C8orf34: variants seen among roughly 807,000 people sequenced by gnomAD.
C8orf34 encodes the protein chromosome 8 open reading frame 34.
In C8orf34, 65 loss-of-function variants were observed where a neutral mutation model predicts 68.3. The ratio of observed to expected loss-of-function variants is 0.95; its 90% CI spans 0.78 to 1.17. The LOEUF (loss-of-function observed/expected upper bound fraction) is 1.17. Ranked by LOEUF, C8orf34 falls within the 50% of genes most tolerant of loss-of-function variation. The probability of loss-of-function intolerance (pLI) is 0.00; values close to 1 mark genes in which losing one functional copy is unlikely to be tolerated. For missense variants in C8orf34, 664 were observed against 655.4 expected (o/e 1.01, Z -0.14); for synonymous variants, 244 against 241.2 (o/e 1.01, Z -0.11).
chr8:68,531,507 A>G, intron 6 of C8orf34, among the ~76,000 whole-genome samples: 1 of 152,252 alleles, frequency 6.6e-6, no homozygotes, highest in South Asian at 2.1e-4. Context: ...ATATTTTTGG[A>G]AAAAAATTCT....
Position 68,479,406 on chromosome 8 carries a change from TGAGA to T in C8orf34, c.737-8590_737-8587del, listed in dbSNP as rs10573693. Among the ~76,000 whole-genome samples, 458 of 147,436 alleles carry T rather than the reference TGAGA, an allele frequency of 3.1e-3. 1 individual carries two copies. Among genetic ancestry groups the T allele is most frequent in the Middle Eastern group, 0.021 (6 of 284 alleles). ...GTATCAGAGAGACACAGAGAAACAG[TGAGA>T]GAGAGAGAGAGAGAGAGAGAGAGAG... On this transcript the variant is annotated intron_variant, in intron 4 of 13. Transcript: ENST00000518698.
intron 3 of C8orf34, among the ~76,000 whole-genome samples, chr8:68,455,720 A>G (rs1397752496): frequency 2.0e-5 from 3 of 152,154 alleles, no homozygotes; most frequent in Non-Finnish European, 4.4e-5. Flanking sequence ...GCTATTCGAT[A>G]CAAATTTACA....
chr8:68,650,730 C>G (rs370494260), intron 8 of C8orf34, among the ~76,000 whole-genome samples: 1 of 152,046 alleles, frequency 6.6e-6, no homozygotes, highest in African/African-American at 2.4e-5. Flanking sequence ...CCGCCCGCCT[C>G]GGCCTCCCAA....
chr8:68,512,166 A>G (rs1814303493), intron 5 of C8orf34, among the ~76,000 whole-genome samples: 1 of 152,206 alleles, frequency 6.6e-6, no homozygotes, highest in Admixed American at 6.5e-5. Context: ...TAGAAACACA[A>G]CTGACAAAGA....
intron 7 of C8orf34, among the ~76,000 whole-genome samples, chr8:68,594,814 A>AT (rs2130457805): frequency 6.6e-6 from 1 of 152,198 alleles, no homozygotes; most frequent in East Asian, 1.9e-4. Flanking sequence ...ATAAGGGACT[A>AT]TTTCTGCTAT....
At chr8:68,422,320 G>A (rs771892110) in intron 1 of C8orf34, among the ~76,000 whole-genome samples, 62 of 151,822 alleles carry the variant, frequency 4.1e-4, no homozygotes, top group Admixed American at 3.7e-3. Context: ...ATGGAGATAC[G>A]GTATTGGGTA....
intron 4 of C8orf34, among the ~76,000 whole-genome samples, chr8:68,487,054 A>C (rs1813110085): frequency 6.6e-6 from 1 of 152,214 alleles, no homozygotes; most frequent in South Asian, 2.1e-4. Context: ...GAGGAGGATG[A>C]TGTCTTTAGT....
intron 7 of C8orf34, 72 bp from the exon 8 acceptor site, chr8:68,640,304 G>A (rs1352972523): frequency 4.1e-6 from 6 of 1,466,556 alleles, no homozygotes; most frequent in Middle Eastern, 1.8e-4. Flanking sequence ...GCAGATACCT[G>A]AAAATATGAA....
intron 8 of C8orf34, among the ~76,000 whole-genome samples, chr8:68,666,706 C>T (rs945505058): frequency 2.0e-5 from 3 of 152,038 alleles, no homozygotes; most frequent in Non-Finnish European, 4.4e-5. Context: ...AATTTGCTTG[C>T]GTGTATTTTT....
intron 8 of C8orf34, among the ~76,000 whole-genome samples, chr8:68,688,571 C>G (rs1483561914): frequency 6.6e-6 from 1 of 152,046 alleles, no homozygotes; most frequent in African/African-American, 2.4e-5. Flanking sequence ...ATTGCAAAGA[C>G]ATGGAACCAA....
chr8:68,612,494 GA>G (rs150262137), intron 7 of C8orf34, among the ~76,000 whole-genome samples: 9,490 of 152,116 alleles, frequency 0.062, 388 homozygotes, highest in Non-Finnish European at 0.087. Context: ...CCCGGCTCAA[GA>G]AAAACCTTTT....
At chr8:68,447,744 G>A (rs185232802) in intron 3 of C8orf34, 15 of 152,294 alleles carry the variant, frequency 9.8e-5, no homozygotes, top group Admixed American at 6.5e-5. Flanking sequence ...CTCATAAAAA[G>A]TATTGCATTA....
At chr8:68,571,043 GA>G (rs1415578709) in intron 7 of C8orf34, among the ~76,000 whole-genome samples, 3 of 152,124 alleles carry the variant, frequency 2.0e-5, no homozygotes, top group Non-Finnish European at 4.4e-5. Flanking sequence ...ACCATTGAAA[GA>G]AATCACTGGG....
chr8:68,790,560 G>T (rs988817738), intron 12 of C8orf34, among the ~76,000 whole-genome samples: 29 of 152,248 alleles, frequency 1.9e-4, no homozygotes, highest in Non-Finnish European at 3.5e-4. Flanking sequence ...TTTAGGAAAA[G>T]ATATTGTGAA....
chr8:68,656,803 T>C (rs1819522992), intron 8 of C8orf34, among the ~76,000 whole-genome samples: 1 of 152,162 alleles, frequency 6.6e-6, no homozygotes, highest in South Asian at 2.1e-4. Flanking sequence ...AGTAGGTTTC[T>C]CCCTTTCCAA....
At chr8:68,757,623 A>AT (rs1429092519) in intron 10 of C8orf34, among the ~76,000 whole-genome samples, 5 of 149,732 alleles carry the variant, frequency 3.3e-5, no homozygotes, top group African/African-American at 1.2e-4. Context: ...TCCGTCTCAA[A>AT]AAAATAAATA....
chr8:68,565,771 A>C (rs6472408), intron 7 of C8orf34, among the ~76,000 whole-genome samples: 4,860 of 152,232 alleles, frequency 0.032, 282 homozygotes, highest in African/African-American at 0.11. Flanking sequence ...GAATGTTTGA[A>C]ATGAGATTTA....
rs1811127208 is a variant in C8orf34, at chr8:68,446,436, C to G, written c.583C>G (p.Pro195Ala). 2 of 1,612,678 alleles carry G rather than the reference C, an allele frequency of 1.2e-6. No individual in the cohort carries two copies. The highest frequency in any genetic ancestry group is 4.5e-5 in the East Asian group (2 of 44,746). ...TGACCTTGCTGTGTCTAATATTTCTCCACCATCACCGGACTCCAAATCATG... is the reference window on the plus strand; with the variant it reads ...TGACCTTGCTGTGTCTAATATTTCTGCACCATCACCGGACTCCAAATCATG... ...KSDLAVSNIS[P>A]PSPDSKSLPR... The change falls in exon 3 of 14, where the codon CCA (proline) becomes GCA (alanine). Residue 195 changes from proline (P) to alanine (A), a missense_variant. By Grantham distance (27) the Pro-to-Ala change is conservative (BLOSUM62 -1). Coordinates refer to ENST00000518698, the MANE Select transcript of C8orf34 (RefSeq NM_052958.4).
intron 7 of C8orf34, among the ~76,000 whole-genome samples, chr8:68,549,777 TTTG>T (rs1410512491): frequency 2.6e-5 from 4 of 151,756 alleles, no homozygotes; most frequent in Non-Finnish European, 5.9e-5. Flanking sequence ...ATTTTGATGC[TTTG>T]TTGTTAGGCA....
Sources: gnomAD v4.1 joint callset for allele counts (sites outside exome capture counted in the v4.1 genomes callset) on GRCh38, gnomAD v4.1.1 for gene constraint, MANE v1.5 for transcripts, NCBI Gene and HGNC (gene_info 2026-07-23, HGNC 2026-07-21) for gene names.